DTNA: variants seen among roughly 807,000 people sequenced by gnomAD.
The protein encoded by DTNA is dystrobrevin alpha.
In DTNA, 43 loss-of-function variants were observed where a neutral mutation model predicts 100.7. The ratio of observed to expected loss-of-function variants is 0.43; its 90% CI spans 0.33 to 0.55. DTNA has a LOEUF of 0.55. Among genes scored for constraint, DTNA ranks in the 20% least tolerant of loss-of-function variants. DTNA has a pLI of 0.04. For missense variants in DTNA, 798 were observed against 953.9 expected, an observed-to-expected ratio of 0.84 and a Z score of 2.15; for synonymous variants, 349 against 347.9, an observed-to-expected ratio of 1.00 and a Z score of -0.04.
intron 1 of DTNA, among the ~76,000 whole-genome samples, chr18:34,583,830 CT>C (rs1205977192): frequency 2.0e-5 from 3 of 152,158 alleles, no homozygotes; most frequent in African/African-American, 7.2e-5. Flanking sequence ...CCCAAATTCC[CT>C]CCTCAACTTT....
At chr18:34,572,268 G>T (rs1203786295) in intron 1 of DTNA, among the ~76,000 whole-genome samples, 1 of 152,108 alleles carries the variant, frequency 6.6e-6, no homozygotes, top group Non-Finnish European at 1.5e-5. Context: ...ATTCAAATCT[G>T]CTGTTTTTCT....
intron 1 of DTNA, among the ~76,000 whole-genome samples, chr18:34,580,343 G>A (rs968490580): frequency 6.6e-6 from 1 of 151,914 alleles, no homozygotes; most frequent in Non-Finnish European, 1.5e-5. Context: ...TTATTTCATA[G>A]TCACATTTTT....
intron 1 of DTNA, among the ~76,000 whole-genome samples, chr18:34,692,945 T>A (rs2079987168): frequency 1.3e-5 from 2 of 152,256 alleles, no homozygotes; most frequent in South Asian, 4.2e-4. Context: ...TGCAAAAAAA[T>A]TTCCTAGACA....
intron 1 of DTNA, among the ~76,000 whole-genome samples, chr18:34,726,761 T>A (rs900299639): frequency 1.3e-5 from 2 of 152,234 alleles, no homozygotes; most frequent in Non-Finnish European, 2.9e-5. Context: ...CCTGTGGCTT[T>A]CCAGGCTCAG....
In DTNA at chr18:34,735,805, T is replaced by C. The variant is rs551595964; in HGVS notation, c.-1-20171T>C. On this transcript the variant is annotated intron_variant, in intron 1 of 22. Transcript: ENST00000444659. ...CATTACCCAGGTATTAAGCCCAGCA[T>C]GCATTAGCTACTTTTCCTAATGCTG... Among the ~76,000 whole-genome samples, 4 of 152,332 alleles carry C rather than the reference T, an allele frequency of 2.6e-5. No homozygotes were observed. In the South Asian group the frequency reaches 6.2e-4, roughly 24 times the overall value.
chr18:34,581,749 A>G (rs2048671450), intron 1 of DTNA, among the ~76,000 whole-genome samples: 1 of 149,948 alleles, frequency 6.7e-6, no homozygotes, highest in Non-Finnish European at 1.5e-5. Flanking sequence ...TCAGCCACCC[A>G]AGTAGCTGGG....
chr18:34,674,787 A>G (rs2077195691), intron 1 of DTNA, among the ~76,000 whole-genome samples: 1 of 152,240 alleles, frequency 6.6e-6, no homozygotes, highest in Admixed American at 6.5e-5. Flanking sequence ...ATGATGAAGA[A>G]ACAAGCAATA....
At chr18:34,831,407 G>T (rs1054786269) in intron 11 of DTNA, among the ~76,000 whole-genome samples, 1 of 152,152 alleles carries the variant, frequency 6.6e-6, no homozygotes, top group South Asian at 2.1e-4. Context: ...AATTCATATA[G>T]CATGTTGAAC....
intron 1 of DTNA, among the ~76,000 whole-genome samples, chr18:34,620,743 G>A (rs1466306055): frequency 1.3e-5 from 2 of 152,082 alleles, no homozygotes; most frequent in Non-Finnish European, 1.5e-5. Flanking sequence ...ACAGCACAAC[G>A]GGGATGCTGC....
chr18:34,696,610 TG>T lies in DTNA; in HGVS notation c.-1-59364del, dbSNP rs1260309307. Among the ~76,000 whole-genome samples, 11 of 152,154 alleles carry T rather than the reference TG, an allele frequency of 7.2e-5. 1 individual carries two copies. Among genetic ancestry groups the T allele is most frequent in the African/African-American group, 2.6e-4 (11 of 41,530 alleles). ...AAAAAATAAAAATAAGGTAAAGGAA[TG>T]GCAGCATTGGAAAGTAATTCTGTCA... is the stretch of plus-strand genomic sequence containing the variant. On this transcript the variant is annotated intron_variant, in intron 1 of 19. Transcript: ENST00000283365.
At chr18:34,675,234 C>T (rs993883862) in intron 1 of DTNA, among the ~76,000 whole-genome samples, 1 of 151,980 alleles carries the variant, frequency 6.6e-6, no homozygotes, top group Non-Finnish European at 1.5e-5. Context: ...ATGCCAGTTG[C>T]ACGTACCCAC....
chr18:34,688,475 T>C (rs1201244476), intron 1 of DTNA, among the ~76,000 whole-genome samples: 1 of 152,212 alleles, frequency 6.6e-6, no homozygotes, highest in African/African-American at 2.4e-5. Context: ...TGGCCCCCAC[T>C]CTCTTCTGGC....
intron 20 of DTNA, among the ~76,000 whole-genome samples, chr18:34,881,437 C>CTTTTTTTTTTTTTTT (rs752828928): frequency 5.8e-5 from 3 of 51,398 alleles, no homozygotes; most frequent in South Asian, 7.8e-4. Flanking sequence ...AATTAAAATG[C>CTTTTTTTTTTTTTTT]TTTTTTTTTT....
chr18:34,514,333 G>A (rs533026587), intron 1 of DTNA, among the ~76,000 whole-genome samples: 9 of 152,146 alleles, frequency 5.9e-5, no homozygotes, highest in Admixed American at 3.3e-4. Context: ...AGCTTGCTGG[G>A]CTTCACTGCC....
chr18:34,724,246 A>T (rs181909475), intron 1 of DTNA, among the ~76,000 whole-genome samples: 2 of 152,324 alleles, frequency 1.3e-5, no homozygotes, highest in African/African-American at 4.8e-5. Context: ...CCTTAAATGG[A>T]TACAAAGAGT....
At chr18:34,493,878 G>C (rs550623121) in intron 1 of DTNA, 1 of 148,020 alleles carries the variant, frequency 6.8e-6, no homozygotes, top group African/African-American at 2.4e-5. Flanking sequence ...GGCGCCGGCC[G>C]CGGCTAGCGC....
intron 14 of DTNA, among the ~76,000 whole-genome samples, chr18:34,851,287 A>G (rs967521228): frequency 1.3e-5 from 2 of 152,138 alleles, no homozygotes; most frequent in Non-Finnish European, 2.9e-5. Flanking sequence ...TTTTTAGTAG[A>G]GATGGGATTT....
At chr18:34,708,335 T>G (rs2146387809), upstream of DTNA, 1 of 152,342 alleles carries the variant, frequency 6.6e-6, no homozygotes, top group Admixed American at 6.5e-5. Context: ...TAATTTATAT[T>G]TTAAAGCCCT....
At chr18:34,773,115 C>T (rs2093868379) in intron 3 of DTNA, among the ~76,000 whole-genome samples, 1 of 152,178 alleles carries the variant, frequency 6.6e-6, no homozygotes, top group African/African-American at 2.4e-5. Flanking sequence ...AGAGAAGTCT[C>T]CTTGCTTTTC....
Sources: gnomAD v4.1 joint callset for allele counts (sites outside exome capture counted in the v4.1 genomes callset) on GRCh38, gnomAD v4.1.1 for gene constraint, MANE v1.5 for transcripts, NCBI Gene and HGNC (gene_info 2026-07-23, HGNC 2026-07-21) for gene names.